Variants in TTC5 observed in about 807,000 individuals in gnomAD.
TTC5 encodes tetratricopeptide repeat protein 5.
In TTC5, 46 loss-of-function variants were observed where a neutral mutation model predicts 57.4. The ratio of observed to expected loss-of-function variants is 0.80; its 90% confidence interval spans 0.63 to 1.03. The LOEUF is 1.03. Among genes scored for constraint, TTC5 ranks in the 50% least tolerant of loss-of-function variants. TTC5 has a pLI of 0.00. For missense variants in TTC5, 504 were observed against 528.1 expected (o/e 0.95, Z 0.45); for synonymous variants, 190 against 203.5 (o/e 0.93, Z 0.57).
chr14:20,289,182 GA>G lies in TTC5; in HGVS notation c.*444del, dbSNP rs1266532897. 1.3e-5 allele frequency: 2 copies of G among 151,252 alleles called. No individual in the cohort carries two copies. The highest frequency in any genetic ancestry group is 2.9e-5 in the Non-Finnish European group (2 of 67,980). The allele number at this position is 151,252 out of a possible 1,614,324, so 9.4% of individuals were successfully genotyped here. Reference sequence around the variant, plus strand: ...ATTCTGTTCCAGCCCCAAAGAAGAGGAAGGACCTAAAGTTCAAAAATAAAAA... The same window carrying G: ...ATTCTGTTCCAGCCCCAAAGAAGAGGAGGACCTAAAGTTCAAAAATAAAAA... On this transcript the variant is annotated 3_prime_UTR_variant, in exon 10 of 10. Coordinates refer to ENST00000258821, the MANE Select transcript of TTC5 (RefSeq NM_138376.3).
At chr14:20,304,290 G>T (rs914566471) in intron 1 of TTC5, among the ~76,000 whole-genome samples, 3 of 152,122 alleles carry the variant, frequency 2.0e-5, no homozygotes, top group Non-Finnish European at 2.9e-5. Context: ...ATCCTATCCA[G>T]AATGAAGGGA....
Position 20,296,480 on chromosome 14 carries a change from T to C in TTC5, c.640-34A>G, listed in dbSNP as rs73583440. On this transcript the variant is annotated intron_variant, in intron 5 of 9. Transcript: ENST00000258821. ...GGATGAAAAGATTATCAGTGGATCC[T>C]GTCTCAATGTTAAGGACTGACATGC... The C allele has an allele frequency of 2.4e-3, 3,696 of 1,537,352 alleles. 89 individuals carry two copies. The African/African-American group carries it at 0.046, about 19-fold the overall frequency.
rs1258107197 is a variant in TTC5, at chr14:20,300,756, C to T, written c.247G>A (p.Asp83Asn). 8 of 1,613,998 alleles carry T rather than the reference C, an allele frequency of 5.0e-6. No individual in the cohort carries two copies. In the Admixed American group the frequency reaches 1.3e-4, roughly 27 times the overall value. ...LTGKALNVTP[D>N]YSPKAEELLS... ...AGCTCCTCAGCCTTAGGGCTATAGT[C>T]AGGAGTCACATTTAGTGCTTTCCCA... Residue 83 changes from aspartate (D) to asparagine (N), a missense_variant, in exon 3 of 10, where the codon GAC becomes AAC. Physicochemically the swap from Asp to Asn is conservative, Grantham distance 23. Coordinates refer to ENST00000258821, the MANE Select transcript of TTC5 (RefSeq NM_138376.3).
At chr14:20,298,039 CT>C (rs1356107508) in intron 5 of TTC5, among the ~76,000 whole-genome samples, 1 of 152,116 alleles carries the variant, frequency 6.6e-6, no homozygotes, top group Non-Finnish European at 1.5e-5. Context: ...TAACTGTGTT[CT>C]TTATTCTACC....
rs547334602 is a variant in TTC5, at chr14:20,303,284, G to A, written c.52-1319C>T. Among the ~76,000 whole-genome samples the A allele has an allele frequency of 3.6e-4, 55 of 151,966 alleles. 1 individual carries two copies. Among genetic ancestry groups the A allele is most frequent in the African/African-American group, 1.2e-3 (49 of 41,404 alleles). ...TCCCACCTCAGCCTCCCAAAGTGCT[G>A]GGACTACAGGCATAAGCCACCAAGT... is the stretch of plus-strand genomic sequence containing the variant. On this transcript the variant is annotated intron_variant, in intron 1 of 9. Transcript: ENST00000258821.
At chr14:20,301,718 G>T in intron 2 of TTC5, 115 bp downstream of exon 2, 1 of 1,337,930 alleles carries the variant, frequency 7.5e-7, no homozygotes, top group Admixed American at 2.1e-5. Flanking sequence ...GTAGTATTAC[G>T]TTGTACTACC....
intron 5 of TTC5, among the ~76,000 whole-genome samples, chr14:20,297,053 T>A (rs1882080706): frequency 6.6e-6 from 1 of 152,212 alleles, no homozygotes; most frequent in South Asian, 2.1e-4. Flanking sequence ...ATCATTTTGA[T>A]TTTTAAAAAT....
intron 3 of TTC5, among the ~76,000 whole-genome samples, chr14:20,300,167 T>C (rs1281906927): frequency 1.1e-4 from 1 of 9,216 alleles, no homozygotes; most frequent in Admixed American, 1.2e-3. Flanking sequence ...TTTTTTTTTT[T>C]TTTTTTTTTT....
chr14:20,293,457 A>G (rs10134743), intron 8 of TTC5: 62,817 of 152,076 alleles, frequency 0.41, 13,128 homozygotes, highest in African/African-American at 0.45. Context: ...GAAAGAGACA[A>G]AAGATAATAG....
chr14:20,303,047 C>A (rs1196874450), intron 1 of TTC5, among the ~76,000 whole-genome samples: 2 of 152,000 alleles, frequency 1.3e-5, no homozygotes, highest in Non-Finnish European at 2.9e-5. Context: ...CAAAAATTAG[C>A]CAGGCATGGT....
intron 9 of TTC5, among the ~76,000 whole-genome samples, chr14:20,290,814 A>G (rs966160408): frequency 6.6e-6 from 1 of 152,188 alleles, no homozygotes; most frequent in Non-Finnish European, 1.5e-5. Flanking sequence ...TATTTCTGCA[A>G]AGGGACAGAT....
At chr14:20,291,920 A>T in intron 9 of TTC5, 63 bp downstream of exon 9, 1 of 1,362,918 alleles carries the variant, frequency 7.3e-7, no homozygotes. Flanking sequence ...CTTTTATAAA[A>T]AGATAAGCTT....
At chr14:20,299,890 G>A (rs1882147078) in intron 3 of TTC5, among the ~76,000 whole-genome samples, 1 of 151,838 alleles carries the variant, frequency 6.6e-6, no homozygotes, top group East Asian at 1.9e-4. Flanking sequence ...CTCTGATGGA[G>A]TGCAGAGGCA....
In TTC5 at chr14:20,300,771, G is replaced by C; in HGVS notation, c.232C>G (p.Leu78Val). 6.2e-7 allele frequency: 1 copy of C among 1,614,118 alleles called. No individual in the cohort carries two copies. Among genetic ancestry groups the C allele is most frequent in the South Asian group, 1.1e-5 (1 of 91,086 alleles). ...GGGCTATAGTCAGGAGTCACATTTAGTGCTTTCCCAGTTAGCATTAGAACT... is the reference window on the plus strand; with the variant it reads ...GGGCTATAGTCAGGAGTCACATTTACTGCTTTCCCAGTTAGCATTAGAACT... ...AQVLMLTGKA[L>V]NVTPDYSPKA... Residue 78 changes from leucine to valine, a missense_variant, in exon 3 of 10, where the codon CTA becomes GTA. Coordinates refer to ENST00000258821, the MANE Select transcript of TTC5 (RefSeq NM_138376.3).
intron 4 of TTC5, 133 bp downstream of exon 4, chr14:20,299,165 G>A (rs1258530369): frequency 1.4e-5 from 14 of 984,220 alleles, no homozygotes; most frequent in African/African-American, 6.5e-5. Context: ...AATGTCTTTC[G>A]TGTGTCTTCA....
Position 20,305,906 on chromosome 14 carries a change from G to A in TTC5, c.32C>T (p.Pro11Leu), listed in dbSNP as rs1021461133. The change falls in exon 1 of 10, where the codon CCG (proline) becomes CTG (leucine). Residue 11 changes from proline to leucine, a missense_variant. Physicochemically the swap from Pro to Leu is moderately conservative, Grantham distance 98. Transcript: ENST00000258821. MMADEEEEVKPILQKLQELVD... is the reference protein window; with the variant it reads MMADEEEEVKLILQKLQELVD... ...CCCCACCTGCAATTTCTGCAAGATC[G>A]GCTTGACTTCTTCCTCTTCATCAGC... The A allele has an allele frequency of 5.6e-6, 9 of 1,613,782 alleles. No individual in the cohort carries two copies. In the African/African-American group the frequency reaches 6.7e-5, roughly 12 times the overall value.
chr14:20,295,641 T>G (rs1594263745), intron 7 of TTC5, 67 bp downstream of exon 7: 2 of 1,553,648 alleles, frequency 1.3e-6, no homozygotes, highest in East Asian at 2.2e-5. Flanking sequence ...CTATTTATTC[T>G]TATTTTATTG....
chr14:20,301,767 G>T, intron 2 of TTC5, 66 bp downstream of exon 2: 1 of 1,596,292 alleles, frequency 6.3e-7, no homozygotes, highest in Non-Finnish European at 8.6e-7. Context: ...GAGTCAATGA[G>T]GAGGGAGCAA....
At position 20,289,377 on chromosome 14, in the gene TTC5, C is replaced by T; in HGVS notation, c.*250G>A. On this transcript the variant is annotated 3_prime_UTR_variant, in exon 10 of 10. Coordinates refer to ENST00000258821, the MANE Select transcript of TTC5 (RefSeq NM_138376.3). Reference sequence around the variant, plus strand: ...ACTTCTACCAATTCCATGCTCTTTGCTTAAAACATAGAGAGCAGTGGAAGA... The same window carrying T: ...ACTTCTACCAATTCCATGCTCTTTGTTTAAAACATAGAGAGCAGTGGAAGA... The T allele has an allele frequency of 3.1e-6, 1 of 321,282 alleles. No homozygotes were observed. 19.9% of individuals were successfully genotyped at this position (321,282 alleles called of 1,614,324 possible). A position where few individuals can be genotyped will look rare whatever the true frequency, so the allele number is the denominator to read the frequency against.
Sources: allele counts gnomAD v4.1 joint callset (sites outside exome capture counted in the v4.1 genomes callset), GRCh38; gene constraint gnomAD v4.1.1; transcripts MANE v1.5; gene names NCBI Gene and HGNC (gene_info 2026-07-23, HGNC 2026-07-21).